LY86: variants seen among roughly 807,000 people sequenced by gnomAD.
The protein encoded by LY86 is lymphocyte antigen 86, also known as MD-1, RP105-associated.
A neutral mutation model predicts 17.3 loss-of-function variants in LY86; 20 were observed. The ratio of observed to expected loss-of-function variants is 1.15; its 90% CI spans 0.81 to 1.68. The LOEUF (loss-of-function observed/expected upper bound fraction) is 1.68, where lower values mean the gene tolerates loss of function less well. Ranked by LOEUF, LY86 falls within the 40% of genes most tolerant of loss-of-function variation. The pLI is 0.00. For missense variants in LY86, 200 were observed against 191.9 expected (o/e 1.04, Z -0.25); for synonymous variants, 74 against 70.6 (o/e 1.05, Z -0.24).
chr6:6,637,003 G>GTTT, intron 3 of LY86, among the ~76,000 whole-genome samples: 2 of 113,950 alleles, frequency 1.8e-5, no homozygotes, highest in East Asian at 5.7e-4. Flanking sequence ...GAAGCATATT[G>GTTT]GTTTTTTTTT....
At chr6:6,611,444 G>A (rs530696772) in intron 1 of LY86, among the ~76,000 whole-genome samples, 2 of 152,306 alleles carry the variant, frequency 1.3e-5, no homozygotes, top group South Asian at 2.1e-4. Context: ...TAATACATAC[G>A]TAGGGCTCAG....
intron 1 of LY86, among the ~76,000 whole-genome samples, chr6:6,612,234 G>A (rs2326810): frequency 1.8e-4 from 27 of 152,282 alleles, no homozygotes; most frequent in East Asian, 1.7e-3. Context: ...TCAAGAGGGC[G>A]TGTCCAGAGT....
At chr6:6,603,807 A>G (rs758493110) in intron 1 of LY86, among the ~76,000 whole-genome samples, 7 of 151,946 alleles carry the variant, frequency 4.6e-5, no homozygotes, top group Non-Finnish European at 1.0e-4. Flanking sequence ...TGAAGCTACA[A>G]CCTTCTAAGA....
chr6:6,604,473 T>C (rs1761032079), intron 1 of LY86, among the ~76,000 whole-genome samples: 1 of 152,174 alleles, frequency 6.6e-6, no homozygotes, highest in Non-Finnish European at 1.5e-5. Flanking sequence ...TAAAACATTG[T>C]TTTTAAAATA....
chr6:6,640,242 C>A (rs142767291), intron 3 of LY86, among the ~76,000 whole-genome samples: 2 of 151,996 alleles, frequency 1.3e-5, no homozygotes, highest in Non-Finnish European at 2.9e-5. Flanking sequence ...GGAGAGAAAA[C>A]CAGCTTCTAT....
chr6:6,602,712 A>AT (rs1394264531), intron 1 of LY86, among the ~76,000 whole-genome samples: 1 of 152,144 alleles, frequency 6.6e-6, no homozygotes, highest in African/African-American at 2.4e-5. Flanking sequence ...TAGAGATGTC[A>AT]TATCTCAAGG....
Position 6,603,603 on chromosome 6 carries a change from C to CAAAAAAAAAAAAAAAAAAAAAA in LY86, c.136+14734_136+14735insAAAAAAAAAAAAAAAAAAAAAA, listed in dbSNP as rs1207511602. Among the ~76,000 whole-genome samples the CAAAAAAAAAAAAAAAAAAAAAA allele has an allele frequency of 1.2e-3, 82 of 70,368 alleles. 1 individual carries two copies. The highest frequency in any genetic ancestry group is 2.0e-3 in the Non-Finnish European group (63 of 31,082). The allele number at this position is 70,368 out of a possible 152,430, so 46.2% of individuals were successfully genotyped here. On this transcript the variant is annotated intron_variant, in intron 1 of 4. Coordinates refer to ENST00000230568, the MANE Select transcript of LY86 (RefSeq NM_004271.4). ...CCAAAGCCAAAAACAAAAACAGAAACAGAAAAAAAAACAAACAAAAAAAAA... is the reference window on the plus strand; with the variant it reads ...CCAAAGCCAAAAACAAAAACAGAAACAAAAAAAAAAAAAAAAAAAAAAAGAAAAAAAAACAAACAAAAAAAAA...
intron 1 of LY86, among the ~76,000 whole-genome samples, chr6:6,596,506 A>C (rs1331972615): frequency 1.3e-5 from 2 of 152,230 alleles, no homozygotes; most frequent in Non-Finnish European, 2.9e-5. Flanking sequence ...CCAGATTAAC[A>C]AGGATATAAA....
intron 1 of LY86, among the ~76,000 whole-genome samples, chr6:6,600,587 CAAAAAA>C (rs59560744): frequency 3.6e-5 from 3 of 82,450 alleles, no homozygotes; most frequent in African/African-American, 5.1e-5. Context: ...GAGACTCCAT[CAAAAAA>C]AAAAAAAAAA....
At chr6:6,633,723 C>T (rs1038791478) in intron 3 of LY86, among the ~76,000 whole-genome samples, 8 of 152,144 alleles carry the variant, frequency 5.3e-5, no homozygotes, top group African/African-American at 1.7e-4. Context: ...GAGTTCTGAC[C>T]AGGGTAGATC....
chr6:6,588,857 C>T lies in LY86; in HGVS notation c.123C>T (p.Leu41=), dbSNP rs756230509. Reference sequence around the variant, plus strand: ...GTAGCGACAGCGGCTTGGAAGTGCTCTACCAGAGTTGCGGTAAGCCCTTGC... The same window carrying T: ...GTAGCGACAGCGGCTTGGAAGTGCTTTACCAGAGTTGCGGTAAGCCCTTGC... ...VVCSDSGLEV[L]YQSCDPLQDF... Residue 41 remains leucine (L), a synonymous_variant, in exon 1 of 5, where the codon CTC becomes CTT. Transcript: ENST00000230568. 6.2e-6 allele frequency: 10 copies of T among 1,613,928 alleles called. No homozygotes were observed. Among genetic ancestry groups the T allele is most frequent in the Non-Finnish European group, 7.6e-6 (9 of 1,179,956 alleles).
In LY86 at chr6:6,601,636, C is replaced by T. The variant is rs7759183; in HGVS notation, c.136+12766C>T. Among the ~76,000 whole-genome samples, 607 of 152,068 alleles carry T rather than the reference C, an allele frequency of 4.0e-3. 1 individual carries two copies. The highest frequency in any genetic ancestry group is 0.02 in the Middle Eastern group (6 of 294). On this transcript the variant is annotated intron_variant, in intron 1 of 4. Transcript: ENST00000230568. ...TCAGGAGGCTGAGGCAGGAGAATGG[C>T]GTGAACCCAGGAGGCAGAGCTTGCA... is the stretch of plus-strand genomic sequence containing the variant.
chr6:6,606,275 AAC>A (rs1395283315), intron 1 of LY86, among the ~76,000 whole-genome samples: 4 of 152,138 alleles, frequency 2.6e-5, no homozygotes, highest in African/African-American at 9.7e-5. Flanking sequence ...AGAGTAGCTA[AAC>A]ACAGAGTGTC....
At chr6:6,632,608 G>A (rs966189187) in intron 3 of LY86, among the ~76,000 whole-genome samples, 1 of 152,204 alleles carries the variant, frequency 6.6e-6, no homozygotes, top group African/African-American at 2.4e-5. Context: ...GGAGCAGCCA[G>A]TCCATAACAT....
Position 6,626,393 on chromosome 6 carries a change from G to A in LY86, c.324G>A (p.Lys108=). ...SYPICEAALP[K]FSFCGRRKGE... ...CCATCTGTGAGGCGGCTCTGCCCAA[G>A]TTTTCTTTCTGTGGAAGAAGGAAAG... Residue 108 remains lysine (K), a synonymous_variant, in exon 3 of 5, where the codon AAG becomes AAA. Transcript: ENST00000230568. 4 of 1,613,926 alleles carry A rather than the reference G, an allele frequency of 2.5e-6. No homozygotes were observed. In the South Asian group the frequency reaches 3.3e-5, roughly 13 times the overall value.
At chr6:6,615,942 T>G (rs1327090844) in intron 1 of LY86, among the ~76,000 whole-genome samples, 2 of 152,088 alleles carry the variant, frequency 1.3e-5, no homozygotes, top group African/African-American at 4.8e-5. Flanking sequence ...AAAAGAAAAA[T>G]GTTAAAAAGA....
chr6:6,654,290 A>G (rs1762228996), intron 4 of LY86, among the ~76,000 whole-genome samples: 1 of 151,738 alleles, frequency 6.6e-6, no homozygotes, highest in Non-Finnish European at 1.5e-5. Context: ...GCTTCCATCC[A>G]CTCCCTTCCT....
intron 4 of LY86, among the ~76,000 whole-genome samples, chr6:6,651,190 A>T (rs1424966178): frequency 1.3e-5 from 2 of 152,212 alleles, no homozygotes; most frequent in Non-Finnish European, 2.9e-5. Context: ...ATGGGGGTGC[A>T]ATTACAAAAA....
intron 4 of LY86, among the ~76,000 whole-genome samples, chr6:6,650,527 G>A (rs967924912): frequency 6.6e-6 from 1 of 152,036 alleles, no homozygotes; most frequent in Non-Finnish European, 1.5e-5. Flanking sequence ...TAGAAACAGG[G>A]TTTCACCATA....
Sources: gnomAD v4.1 joint callset for allele counts (sites outside exome capture counted in the v4.1 genomes callset) on GRCh38, gnomAD v4.1.1 for gene constraint, MANE v1.5 for transcripts, NCBI Gene and HGNC (gene_info 2026-07-23, HGNC 2026-07-21) for gene names.